The following ITGA7 variants were observed in gnomAD, a reference collection of about 807,000 sequenced individuals.
ITGA7 encodes the protein integrin subunit alpha 7.
ITGA7 carries 84 observed loss-of-function variants against 131.6 expected under a neutral mutation model. The observed-to-expected ratio is 0.64, with a 90% CI of 0.54 to 0.77. ITGA7 has a LOEUF of 0.77. Among genes scored for constraint, ITGA7 ranks in the 30% least tolerant of loss-of-function variants. The probability of loss-of-function intolerance (pLI) is 0.00; values close to 1 mark genes in which losing one functional copy is unlikely to be tolerated. For missense variants in ITGA7, 1,399 were observed against 1,482.9 expected, an observed-to-expected ratio of 0.94 and a Z score of 0.93; for synonymous variants, 548 against 600.7, an observed-to-expected ratio of 0.91 and a Z score of 1.28.
rs571289362 is a variant in ITGA7 at position 55,687,826 on chromosome 12, T to C, written c.3183+145A>G. 158 of 1,106,726 alleles carry C rather than the reference T, an allele frequency of 1.4e-4. 1 individual carries two copies. The highest frequency in any genetic ancestry group is 8.1e-4 in the East Asian group (34 of 42,098). 68.6% of individuals were successfully genotyped at this position (1,106,726 alleles called of 1,614,324 possible). On this transcript the variant is annotated intron_variant, in intron 24 of 24. Transcript: ENST00000257879. ...TATCTTTGAAACATCCAGGGACTAATAGAGTTCCTGAGACATGCAGGGCAA... is the reference window on the plus strand; with the variant it reads ...TATCTTTGAAACATCCAGGGACTAACAGAGTTCCTGAGACATGCAGGGCAA...
chr12:55,694,052 TCCC>T lies in ITGA7; in HGVS notation c.2501_2503del (p.Arg834_Asp835delinsHis). On this transcript the variant is annotated inframe_deletion, in exon 19 of 25. Coordinates refer to ENST00000257879, the MANE Select transcript of ITGA7 (RefSeq NM_002206.3). This position sits in a 1 kb window ranked among gnomAD's most constrained non-coding sequence, Gnocchi z 5.3. ...CTCATACTTGACCTTGCTGCCCACA[TCCC>T]GCTCAGACTGCATGGCTCTCTCGCC... 4 of 1,614,086 alleles carry T rather than the reference TCCC, an allele frequency of 2.5e-6. No homozygotes were observed. Among genetic ancestry groups the T allele is most frequent in the Non-Finnish European group, 3.4e-6 (4 of 1,179,998 alleles).
In ITGA7 at chr12:55,694,622, C is replaced by T. The variant is rs968147262; in HGVS notation, c.2270G>A (p.Gly757Asp). ...AAGGGCAGATGTGCCAACCTGGGCACCTCTCTTCATGGGGTTCCCCAGCTC... is the reference window on the plus strand; with the variant it reads ...AAGGGCAGATGTGCCAACCTGGGCATCTCTCTTCATGGGGTTCCCCAGCTC... ...ECELGNPMKR[G>D]AQVTFYLILS... The change falls in exon 16 of 25, where the codon GGT becomes GAT. Residue 757 changes from glycine (G) to aspartate (D), a missense_variant. Transcript: ENST00000257879. This position sits in a 1 kb window ranked among gnomAD's most constrained non-coding sequence, Gnocchi z 5.3. 3.0e-5 allele frequency: 48 copies of T among 1,613,950 alleles called. No homozygotes were observed. The highest frequency in any genetic ancestry group is 5.0e-5 in the Admixed American group (3 of 59,984).
At chr12:55,714,222 C>A (rs1876332745), upstream of ITGA7, among the ~76,000 whole-genome samples, 1 of 143,496 alleles carries the variant, frequency 7.0e-6, no homozygotes, top group Non-Finnish European at 1.5e-5. Flanking sequence ...ACTAAAAATA[C>A]AAAAATTAGG....
intron 21 of ITGA7, among the ~76,000 whole-genome samples, chr12:55,691,364 T>C (rs1871380602): frequency 6.6e-6 from 1 of 152,072 alleles, no homozygotes; most frequent in South Asian, 2.1e-4. Context: ...AGATACAAAG[T>C]TTCAGTTAGA....
chr12:55,712,446 G>A (rs1876205512), upstream of ITGA7: 2 of 612,596 alleles, frequency 3.3e-6, no homozygotes, highest in Admixed American at 2.8e-5. Flanking sequence ...TAACAACTCA[G>A]CAGCTTCCAG....
intron 7 of ITGA7, 164 bp downstream of exon 7, chr12:55,698,219 G>T (rs769271112): frequency 7.0e-6 from 6 of 862,862 alleles, no homozygotes; most frequent in Non-Finnish European, 1.1e-5. Context: ...AAAAAGGTTA[G>T]GAACTTGCCA....
At chr12:55,698,341 G>A (rs1304498556) in intron 7 of ITGA7, 42 bp downstream of exon 7, 26 of 1,544,458 alleles carry the variant, frequency 1.7e-5, no homozygotes, top group Non-Finnish European at 2.2e-5. Context: ...CATCCCTCCT[G>A]TGGCCCCTCC....
At position 55,688,310 on chromosome 12, in the gene ITGA7, C is replaced by G; in HGVS notation, c.2959-10G>C. The G allele has an allele frequency of 6.2e-7, 1 of 1,600,242 alleles. No individual in the cohort carries two copies. The highest frequency in any genetic ancestry group is 2.2e-5 in the East Asian group (1 of 44,818). On this transcript the variant is annotated splice_polypyrimidine_tract_variant and intron_variant, in intron 22 of 24. Transcript: ENST00000257879. ...TCACAGCTGAGTACTCCTAAGGGAA[C>G]AGGGAAGGAGACCCTTCTCCTAAAT...
chr12:55,694,207 G>A lies in ITGA7; in HGVS notation c.2432+49C>T, dbSNP rs376574017. On this transcript the variant is annotated intron_variant, in intron 18 of 24. Coordinates refer to ENST00000257879, the MANE Select transcript of ITGA7 (RefSeq NM_002206.3). The surrounding 1 kb of genome is among the most constrained non-coding windows in gnomAD (Gnocchi z 5.3). ...AGGGCCCTGGCCAAGGTTTGGAAATGTCAATGCCCCCTCCCTCCAATGGAG... is the reference window on the plus strand; with the variant it reads ...AGGGCCCTGGCCAAGGTTTGGAAATATCAATGCCCCCTCCCTCCAATGGAG... 29 of 1,612,416 alleles carry A rather than the reference G, an allele frequency of 1.8e-5. No individual in the cohort carries two copies. The highest frequency in any genetic ancestry group is 2.7e-5 in the African/African-American group (2 of 74,916).
rs1221422528 is a variant in ITGA7, at chr12:55,693,121, C to T, written c.2712+20G>A. 6.2e-7 allele frequency: 1 copy of T among 1,612,796 alleles called. No individual in the cohort carries two copies. Among genetic ancestry groups the T allele is most frequent in the African/African-American group, 1.3e-5 (1 of 75,006 alleles). The stretch of plus-strand genomic sequence containing the variant: ...AACATCTGTCCCCACATCTAACCCC[C>T]ACCCCCACCTAAGCCTCACCAGGTG... On this transcript the variant is annotated intron_variant, in intron 20 of 24. Transcript: ENST00000257879.
At chr12:55,695,444 T>C (rs1872428019) in intron 14 of ITGA7, 78 bp downstream of exon 14, 1 of 1,007,150 alleles carries the variant, frequency 9.9e-7, no homozygotes, top group African/African-American at 1.6e-5. Flanking sequence ...TCCCTCTGAC[T>C]GGTCCTCCTG....
At chr12:55,687,329 C>G (rs907185178) in intron 24 of ITGA7, among the ~76,000 whole-genome samples, 1 of 151,290 alleles carries the variant, frequency 6.6e-6, no homozygotes, top group East Asian at 1.9e-4. Flanking sequence ...AGGCACCCCC[C>G]ACCATGCCCA....
chr12:55,713,464 G>A (rs1380577566), upstream of ITGA7, among the ~76,000 whole-genome samples: 1 of 152,346 alleles, frequency 6.6e-6, no homozygotes, highest in African/African-American at 2.4e-5. Flanking sequence ...AGGCTCTGGA[G>A]TCAGATAGCC....
chr12:55,698,082 C>G, intron 7 of ITGA7, 56 bp from the exon 8 acceptor site: 1 of 1,516,136 alleles, frequency 6.6e-7, no homozygotes, highest in South Asian at 1.1e-5. Context: ...CAGACAAGAT[C>G]CAGGCCTCAA....
chr12:55,702,211 G>T (rs1481761232), intron 3 of ITGA7, among the ~76,000 whole-genome samples: 1 of 143,490 alleles, frequency 7.0e-6, no homozygotes, highest in East Asian at 2.1e-4. Context: ...ACGGAGTCTC[G>T]CTCTGTCACC....
chr12:55,705,844 T>C (rs931510492), intron 1 of ITGA7, among the ~76,000 whole-genome samples: 1 of 152,236 alleles, frequency 6.6e-6, no homozygotes, highest in African/African-American at 2.4e-5. Flanking sequence ...TAAAGTCTCA[T>C]CCCAGAGCTA....
At chr12:55,698,082 C>T in intron 7 of ITGA7, 56 bp from the exon 8 acceptor site, 1 of 1,516,136 alleles carries the variant, frequency 6.6e-7, no homozygotes, top group South Asian at 1.1e-5. Context: ...CAGACAAGAT[C>T]CAGGCCTCAA....
upstream of ITGA7, among the ~76,000 whole-genome samples, chr12:55,714,517 C>CAAAAAAA (rs35046301): frequency 2.5e-5 from 3 of 120,484 alleles, 1 homozygote; most frequent in African/African-American, 1.3e-4. Context: ...GACTCCGTCT[C>CAAAAAAA]AAAAAAAAAA....
At chr12:55,688,594 G>A (rs1271403795) in intron 22 of ITGA7, among the ~76,000 whole-genome samples, 4 of 152,022 alleles carry the variant, frequency 2.6e-5, no homozygotes, top group African/African-American at 9.7e-5. Flanking sequence ...GTGGTGGCAC[G>A]TGCCTGTAAT....
Sources: gnomAD v4.1 joint callset for allele counts (sites outside exome capture counted in the v4.1 genomes callset) on GRCh38, gnomAD v4.1.1 for gene constraint, Gnocchi (gnomAD v3.1) non-coding constraint, MANE v1.5 for transcripts, NCBI Gene and HGNC (gene_info 2026-07-23, HGNC 2026-07-21) for gene names.